The following IGSF9B variants were observed in gnomAD, a reference collection of about 807,000 sequenced individuals.
IGSF9B encodes the protein protein turtle homolog B.
A neutral mutation model predicts 143.7 loss-of-function variants in IGSF9B; 48 were observed. The ratio of observed to expected loss-of-function variants is 0.33; its 90% CI spans 0.26 to 0.42. The LOEUF (loss-of-function observed/expected upper bound fraction) is 0.42, where lower values mean the gene tolerates loss of function less well. Among genes scored for constraint, IGSF9B ranks in the 20% least tolerant of loss-of-function variants. The probability of loss-of-function intolerance (pLI) is 1.00; values close to 1 mark genes in which losing one functional copy is unlikely to be tolerated. For missense variants in IGSF9B, 1,706 were observed against 1,980.0 expected (o/e 0.86, Z 2.63); for synonymous variants, 903 against 833.1 (o/e 1.08, Z -1.44).
At position 133,948,731 on chromosome 11, in the gene IGSF9B, C is replaced by A. The variant is rs1245418018; in HGVS notation, c.65-2473G>T. On this transcript the variant is annotated intron_variant, in intron 1 of 19. Transcript: ENST00000533871. This position sits in a 1 kb window ranked among gnomAD's most constrained non-coding sequence, Gnocchi z 4.7. Reference sequence around the variant, plus strand: ...CTAGGGGAAGAGGAGGGAGTTATTCCCAGGTGCCAGGTTACCTGGAGGAGG... The same window carrying A: ...CTAGGGGAAGAGGAGGGAGTTATTCACAGGTGCCAGGTTACCTGGAGGAGG... Among the ~76,000 whole-genome samples the A allele has an allele frequency of 2.0e-5, 3 of 151,150 alleles. No individual in the cohort carries two copies.
In IGSF9B at chr11:133,925,792, C is replaced by T. The variant is rs755182166; in HGVS notation, c.1981G>A (p.Asp661Asn). ...FRVAERWELL[D>N]DGIPGTEGEF... ...CCTTCGGTGCCGGGGATGCCATCGTCGAGCAACTCCCAGCGCTCTGCGACA... is the reference window on the plus strand; with the variant it reads ...CCTTCGGTGCCGGGGATGCCATCGTTGAGCAACTCCCAGCGCTCTGCGACA... Residue 661 changes from aspartate (D) to asparagine (N), a missense_variant, in exon 14 of 20, where the codon GAC becomes AAC. Asp to Asn is a conservative substitution (Grantham distance 23). This residue lies in a region of IGSF9B where 267 missense variants were observed against 321.1 expected (regional missense o/e 0.83). Transcript: ENST00000533871. 6.8e-6 allele frequency: 11 copies of T among 1,613,748 alleles called. No individual in the cohort carries two copies. The East Asian group carries it at 8.9e-5, about 13-fold the overall frequency.
At position 133,931,610 on chromosome 11, in the gene IGSF9B, C is replaced by A. The variant is rs771641473; in HGVS notation, c.1252-41G>T. The A allele has an allele frequency of 4.4e-6, 7 of 1,608,598 alleles. No homozygotes were observed. Among genetic ancestry groups the A allele is most frequent in the Non-Finnish European group, 6.0e-6 (7 of 1,176,436 alleles). On this transcript the variant is annotated intron_variant, in intron 9 of 19. Coordinates refer to ENST00000533871, the MANE Select transcript of IGSF9B (RefSeq NM_001277285.4). The surrounding 1 kb of genome is among the most constrained non-coding windows in gnomAD (Gnocchi z 7.7). ...CAGGCACCCTCGTGAGGCCGGGGATCCAGGTGCCCAGCTCATGGAGGCCGT... is the reference window on the plus strand; with the variant it reads ...CAGGCACCCTCGTGAGGCCGGGGATACAGGTGCCCAGCTCATGGAGGCCGT...
At position 133,931,248 on chromosome 11, in the gene IGSF9B, C is replaced by T; in HGVS notation, c.1369-114G>A. ...ACCCCGGCCCGCCCACGCTGCCCTC[C>T]TCCCGAGTGCCTGCCGCTCTTCAGG... is the stretch of plus-strand genomic sequence containing the variant. On this transcript the variant is annotated intron_variant, in intron 10 of 19. Transcript: ENST00000533871. This position sits in a 1 kb window ranked among gnomAD's most constrained non-coding sequence, Gnocchi z 7.7. 9.0e-7 allele frequency: 1 copy of T among 1,114,388 alleles called. No individual in the cohort carries two copies. Among genetic ancestry groups the T allele is most frequent in the Non-Finnish European group, 1.3e-6 (1 of 767,964 alleles). The allele number at this position is 1,114,388 out of a possible 1,614,324, so 69.0% of individuals were successfully genotyped here.
rs1424628684 is a variant in IGSF9B, at chr11:133,920,385, G to C, written c.3340C>G (p.Pro1114Ala). The part of the protein sequence containing the change: ...AGKSPGRGPV[P>A]APPAAKWQDR... ...TGCCACTTGGCGGCGGGGGGCGCTGGGACAGGGCCCCTGCCGGGCGACTTG... is the reference window on the plus strand; with the variant it reads ...TGCCACTTGGCGGCGGGGGGCGCTGCGACAGGGCCCCTGCCGGGCGACTTG... Residue 1114 changes from proline to alanine, a missense_variant, in exon 18 of 20, where the codon CCA (proline) becomes GCA (alanine). By Grantham distance (27) the Pro-to-Ala change is conservative. Coordinates refer to ENST00000533871, the MANE Select transcript of IGSF9B (RefSeq NM_001277285.4). The C allele has an allele frequency of 6.2e-7, 1 of 1,602,478 alleles. No individual in the cohort carries two copies. Among genetic ancestry groups the C allele is most frequent in the African/African-American group, 1.3e-5 (1 of 74,498 alleles).
chr11:133,922,160 G>T lies in IGSF9B; in HGVS notation c.2327+17C>A, dbSNP rs1051593849. On this transcript the variant is annotated intron_variant, in intron 17 of 19. Transcript: ENST00000533871. ...TGCCATGAACAGCACAATTCTCCCA[G>T]GATCTGAGACACTTACGGAGACTCC... The T allele has an allele frequency of 6.2e-7, 1 of 1,610,688 alleles. No individual in the cohort carries two copies. Among genetic ancestry groups the T allele is most frequent in the Admixed American group, 1.7e-5 (1 of 59,938 alleles).
At position 133,935,581 on chromosome 11, in the gene IGSF9B, GC is replaced by G. The variant is rs1461818029; in HGVS notation, c.967+35del. ...TGGCTAACACCAAAACCTTCTGGGA[GC>G]CCCACCACCCAGGCTCCCCTGCACC... is the stretch of plus-strand genomic sequence containing the variant. On this transcript the variant is annotated intron_variant, in intron 7 of 19. Coordinates refer to ENST00000533871, the MANE Select transcript of IGSF9B (RefSeq NM_001277285.4). 7 of 1,587,024 alleles carry G rather than the reference GC, an allele frequency of 4.4e-6. No individual in the cohort carries two copies. In the African/African-American group the frequency reaches 5.4e-5, roughly 12 times the overall value.
rs1329225209 is a variant in IGSF9B, at chr11:133,931,214, G to A, written c.1369-80C>T. On this transcript the variant is annotated intron_variant, in intron 10 of 19. Coordinates refer to ENST00000533871, the MANE Select transcript of IGSF9B (RefSeq NM_001277285.4). The surrounding 1 kb of genome is among the most constrained non-coding windows in gnomAD (Gnocchi z 7.7). The stretch of plus-strand genomic sequence containing the variant: ...GAAGCCCGAAGCAGATGGGGAGGAC[G>A]CGCCTGAGACCCCGGCCCGCCCACG... The A allele has an allele frequency of 7.6e-6, 11 of 1,440,882 alleles. No individual in the cohort carries two copies. The highest frequency in any genetic ancestry group is 4.6e-5 in the East Asian group (2 of 43,476). The allele number at this position is 1,440,882 out of a possible 1,614,324, so 89.3% of individuals were successfully genotyped here.
rs1452699092 is a variant in IGSF9B at position 133,898,659 on chromosome 11, AC to A, written c.*10409del. 6.5e-6 allele frequency: 1 copy of A among 154,186 alleles called. No homozygotes were observed. The highest frequency in any genetic ancestry group is 2.4e-5 in the African/African-American group (1 of 41,496). The allele number at this position is 154,186 out of a possible 1,614,324, so 9.6% of individuals were successfully genotyped here. A position where few individuals can be genotyped will look rare whatever the true frequency, so the allele number is the denominator to read the frequency against. ...TCAAGACCTTCTGACACTGATACAG[AC>A]GACTTAGCAAGTGGAGCGTTAAACT... On this transcript the variant is annotated 3_prime_UTR_variant, in exon 20 of 20. Transcript: ENST00000533871.
intron 17 of IGSF9B, among the ~76,000 whole-genome samples, 168 bp from the exon 18 acceptor site, chr11:133,921,565 G>A (rs1465298386): frequency 3.9e-5 from 6 of 152,032 alleles, no homozygotes; most frequent in Admixed American, 1.3e-4. Flanking sequence ...CCGTCTGGAC[G>A]TGAATCCTCC....
At position 133,903,623 on chromosome 11, in the gene IGSF9B, T is replaced by C. The variant is rs1223065781; in HGVS notation, c.*5446A>G. ...TGGGATCCCTCAGGGGATGGTGGTG[T>C]CTTTGGACCAAATTCAATCTACTGA... On this transcript the variant is annotated 3_prime_UTR_variant, in exon 20 of 20. Transcript: ENST00000533871. 6.6e-6 allele frequency among the ~76,000 whole-genome samples: 1 copy of C among 152,240 alleles called. No individual in the cohort carries two copies. Among genetic ancestry groups the C allele is most frequent in the Non-Finnish European group, 1.5e-5 (1 of 68,050 alleles).
chr11:133,937,910 C>T lies in IGSF9B; in HGVS notation c.461G>A (p.Gly154Asp), dbSNP rs749292608. 1.1e-5 allele frequency: 18 copies of T among 1,612,936 alleles called. No homozygotes were observed. The South Asian group carries it at 1.5e-4, about 14-fold the overall frequency. Reference protein sequence around the residue: ...TPPQYIEAKEGGSITMTCTAF... With the variant: ...TPPQYIEAKEDGSITMTCTAF... Reference sequence around the variant, plus strand: ...TGTGCAGGTCATGGTGATACTACCACCCTCCTTGGCCTCGATGTACTGGGG... The same window carrying T: ...TGTGCAGGTCATGGTGATACTACCATCCTCCTTGGCCTCGATGTACTGGGG... The change falls in exon 4 of 20, where the codon GGT (glycine) becomes GAT (aspartate). Residue 154 changes from glycine to aspartate, a missense_variant. Physicochemically the swap from Gly to Asp is moderately conservative, Grantham distance 94 (BLOSUM62 -1). Around this residue, in one of 7 missense-constraint regions of IGSF9B, gnomAD observed 171 missense variants for 213.9 expected, o/e 0.80. Coordinates refer to ENST00000533871, the MANE Select transcript of IGSF9B (RefSeq NM_001277285.4).
chr11:133,920,555 A>G lies in IGSF9B; in HGVS notation c.3170T>C (p.Phe1057Ser), dbSNP rs776097851. Residue 1057 changes from phenylalanine to serine, a missense_variant, in exon 18 of 20, where the codon TTC becomes TCC. Coordinates refer to ENST00000533871, the MANE Select transcript of IGSF9B (RefSeq NM_001277285.4). ...FGGLETPAMMFPHQLPPCDVP... is the reference protein window; with the variant it reads ...FGGLETPAMMSPHQLPPCDVP... Reference sequence around the variant, plus strand: ...ATCACAGGGTGGCAGCTGGTGGGGGAACATCATCGCTGGGGTCTCCAGCCC... The same window carrying G: ...ATCACAGGGTGGCAGCTGGTGGGGGGACATCATCGCTGGGGTCTCCAGCCC... 1 of 1,612,236 alleles carries G rather than the reference A, an allele frequency of 6.2e-7. No homozygotes were observed. Among genetic ancestry groups the G allele is most frequent in the East Asian group, 2.2e-5 (1 of 44,772 alleles).
At chr11:133,939,133 C>T (rs1565442819) in intron 3 of IGSF9B, among the ~76,000 whole-genome samples, 1 of 152,236 alleles carries the variant, frequency 6.6e-6, no homozygotes, top group East Asian at 1.9e-4. Context: ...ACCACACTGG[C>T]TGCCTTTGTC....
chr11:133,916,119 G>C (rs964100140), intron 18 of IGSF9B, among the ~76,000 whole-genome samples: 7 of 152,200 alleles, frequency 4.6e-5, no homozygotes, highest in Non-Finnish European at 8.8e-5. Context: ...AGCCTGAATG[G>C]GAAAGGGAGT....
Position 133,909,302 on chromosome 11 carries a change from A to G in IGSF9B, c.4106-25T>C. ...TCTAGGAAGAAAGGAAGAGGGACGC[A>G]AAAGAGAAGCAAGCGGATGAAAAGG... is the stretch of plus-strand genomic sequence containing the variant. On this transcript the variant is annotated intron_variant, in intron 19 of 19. Coordinates refer to ENST00000533871, the MANE Select transcript of IGSF9B (RefSeq NM_001277285.4). The surrounding 1 kb of genome is among the most constrained non-coding windows in gnomAD (Gnocchi z 4.2). 1 of 1,514,274 alleles carries G rather than the reference A, an allele frequency of 6.6e-7. No homozygotes were observed. The highest frequency in any genetic ancestry group is 8.9e-7 in the Non-Finnish European group (1 of 1,127,436). The allele number at this position is 1,514,274 out of a possible 1,614,324, so 93.8% of individuals were successfully genotyped here. A position where few individuals can be genotyped will look rare whatever the true frequency, so the allele number is the denominator to read the frequency against.
chr11:133,906,620 G>C lies in IGSF9B; in HGVS notation c.*2449C>G, dbSNP rs1939213626. Among the ~76,000 whole-genome samples the C allele has an allele frequency of 6.6e-6, 1 of 152,238 alleles. No individual in the cohort carries two copies. The highest frequency in any genetic ancestry group is 1.5e-5 in the Non-Finnish European group (1 of 68,052). ...GCCCTGGAAGGCACAGCCATGGCCT[G>C]AGCATCTCAGCCTCTCATGACATCC... On this transcript the variant is annotated 3_prime_UTR_variant, in exon 20 of 20. Transcript: ENST00000533871.
intron 18 of IGSF9B, among the ~76,000 whole-genome samples, chr11:133,914,271 C>A (rs1295813411): frequency 6.6e-6 from 1 of 152,122 alleles, no homozygotes; most frequent in African/African-American, 2.4e-5. Context: ...GTCGAATCAT[C>A]CAGTCATCGT....
At position 133,949,059 on chromosome 11, in the gene IGSF9B, G is replaced by A. The variant is rs534817511; in HGVS notation, c.65-2801C>T. ...GCCCCAGCCAGCCCCTGGGCTAAGC[G>A]CTGAGCACCCAACCCAAGGCCTACC... On this transcript the variant is annotated intron_variant, in intron 1 of 19. Coordinates refer to ENST00000533871, the MANE Select transcript of IGSF9B (RefSeq NM_001277285.4). Among the ~76,000 whole-genome samples the A allele has an allele frequency of 1.7e-4, 26 of 152,120 alleles. 1 individual carries two copies. Among genetic ancestry groups the A allele is most frequent in the Middle Eastern group, 3.2e-3 (1 of 316 alleles).
rs142663898 is a variant in IGSF9B at position 133,954,809 on chromosome 11, C to A, written c.64+1882G>T. On this transcript the variant is annotated intron_variant, in intron 1 of 19. Transcript: ENST00000533871. ...AGACCCCAAGACCAGCAAGGTCACC[C>A]TCTGCTTCCAGACAGGGGTACATGT... is the stretch of plus-strand genomic sequence containing the variant. 3.4e-3 allele frequency among the ~76,000 whole-genome samples: 512 copies of A among 152,322 alleles called. 5 individuals are homozygous for A. The highest frequency in any genetic ancestry group is 0.012 in the African/African-American group (488 of 41,566).
Sources: allele counts gnomAD v4.1 joint callset (sites outside exome capture counted in the v4.1 genomes callset), GRCh38; gene constraint gnomAD v4.1.1; regional missense constraint gnomAD v4.1.1; non-coding constraint Gnocchi (gnomAD v3.1); transcripts MANE v1.5; gene names NCBI Gene and HGNC (gene_info 2026-07-23, HGNC 2026-07-21).